Variants in GBP7 observed in about 807,000 individuals in gnomAD.
GBP7 encodes guanylate binding protein 7, also known as guanylate-binding protein 7.
Under a neutral mutation model 61.3 loss-of-function variants are expected in GBP7, and 43 were observed. The observed-to-expected ratio is 0.70, with a 90% CI of 0.55 to 0.91. GBP7 has a LOEUF of 0.91. Among genes scored for constraint, GBP7 ranks in the 40% least tolerant of loss-of-function variants. The pLI is 0.00. For synonymous variants in GBP7, 267 were observed against 271.0 expected (o/e 0.99, Z 0.14); for missense variants, 717 against 740.5 (o/e 0.97, Z 0.37).
intron 1 of GBP7, among the ~76,000 whole-genome samples, chr1:89,174,475 T>C (rs999958303): frequency 5.9e-5 from 9 of 152,228 alleles, no homozygotes; most frequent in African/African-American, 2.2e-4. Context: ...ACGTTCACAT[T>C]TAGATCTTTG....
At chr1:89,158,325 C>T (rs1682362358) in intron 3 of GBP7, among the ~76,000 whole-genome samples, 1 of 152,034 alleles carries the variant, frequency 6.6e-6, no homozygotes, top group South Asian at 2.1e-4. Flanking sequence ...TCTCTCACCA[C>T]TCCTATTCAA....
At chr1:89,166,691 A>G (rs1647452564) in intron 2 of GBP7, among the ~76,000 whole-genome samples, 1 of 152,232 alleles carries the variant, frequency 6.6e-6, no homozygotes, top group African/African-American at 2.4e-5. Flanking sequence ...TCTCGCACAC[A>G]CTTTCCTGTG....
At position 89,150,566 on chromosome 1, in the gene GBP7, G is replaced by T; in HGVS notation, c.635C>A (p.Pro212His). Residue 212 changes from proline to histidine, a missense_variant, in exon 6 of 11, where the codon CCC becomes CAC. Coordinates refer to ENST00000294671, the MANE Select transcript of GBP7 (RefSeq NM_207398.3). ...GGGCTTGTTAGAATTTTGGATTTGGGGATTCTTGCCTGCAGAATTAGTGAA... is the reference window on the plus strand; with the variant it reads ...GGGCTTGTTAGAATTTTGGATTTGGTGATTCTTGCCTGCAGAATTAGTGAA... ...NALKLISGKN[P>H]QIQNSNKPRE... 1 of 1,613,456 alleles carries T rather than the reference G, an allele frequency of 6.2e-7. No individual in the cohort carries two copies.
intron 3 of GBP7, among the ~76,000 whole-genome samples, chr1:89,156,147 G>A (rs59683491): frequency 0.017 from 2,520 of 152,188 alleles, 64 homozygotes; most frequent in African/African-American, 0.056. Context: ...ACAGACAAGC[G>A]AATGCTGAGA....
At position 89,137,411 on chromosome 1, in the gene GBP7, A is replaced by G. The variant is rs574273680; in HGVS notation, c.1469-3960T>C. On this transcript the variant is annotated intron_variant, in intron 9 of 10. Transcript: ENST00000294671. ...CATGGATGAAAAAATCTTCAACAAA[A>G]TACTAGCAAACCAAATCCAGCAGCA... is the stretch of plus-strand genomic sequence containing the variant. Among the ~76,000 whole-genome samples the G allele has an allele frequency of 1.4e-4, 22 of 152,290 alleles. No individual in the cohort carries two copies. In the South Asian group the frequency reaches 2.9e-3, roughly 20 times the overall value.
At chr1:89,151,225 T>C (rs1234854041) in intron 5 of GBP7, among the ~76,000 whole-genome samples, 5 of 152,216 alleles carry the variant, frequency 3.3e-5, no homozygotes, top group Non-Finnish European at 7.3e-5. Flanking sequence ...CACCATGCCC[T>C]GGTAACCACT....
At chr1:89,144,059 T>C (rs1682013573) in intron 8 of GBP7, among the ~76,000 whole-genome samples, 1 of 152,188 alleles carries the variant, frequency 6.6e-6, no homozygotes, top group Non-Finnish European at 1.5e-5. Flanking sequence ...CCCCAGTGTA[T>C]ATTGTTCCCG....
intron 5 of GBP7, among the ~76,000 whole-genome samples, chr1:89,151,215 C>T (rs951655584): frequency 6.6e-6 from 1 of 152,208 alleles, no homozygotes; most frequent in Non-Finnish European, 1.5e-5. Context: ...TTTCCTCCCT[C>T]ACCATGCCCT....
chr1:89,153,751 A>G (rs1682254652), intron 3 of GBP7, among the ~76,000 whole-genome samples: 1 of 152,210 alleles, frequency 6.6e-6, no homozygotes, highest in Non-Finnish European at 1.5e-5. Flanking sequence ...AACAATCCAA[A>G]AAATGGGAAG....
intron 3 of GBP7, among the ~76,000 whole-genome samples, chr1:89,155,962 G>C (rs1186770129): frequency 1.3e-5 from 2 of 152,152 alleles, no homozygotes; most frequent in South Asian, 2.1e-4. Flanking sequence ...AGAGAGAAAG[G>C]TCAGGTTACC....
rs545279215 is a variant in GBP7, at chr1:89,154,208, A to C, written c.319-1431T>G. On this transcript the variant is annotated intron_variant, in intron 3 of 10. Transcript: ENST00000294671. ...AATAAAAAAGTTTATGCCCATTACAATCTATTTCAAATCAATATTTTATCT... is the reference window on the plus strand; with the variant it reads ...AATAAAAAAGTTTATGCCCATTACACTCTATTTCAAATCAATATTTTATCT... Among the ~76,000 whole-genome samples, 20 of 152,298 alleles carry C rather than the reference A, an allele frequency of 1.3e-4. 1 individual carries two copies. In the East Asian group the frequency reaches 3.7e-3, roughly 28 times the overall value.
intron 8 of GBP7, among the ~76,000 whole-genome samples, chr1:89,142,258 GAA>G (rs1354635411): frequency 6.6e-6 from 1 of 152,104 alleles, no homozygotes; most frequent in African/African-American, 2.4e-5. Context: ...GAACAGTTGA[GAA>G]ACTTTTTTTT....
In GBP7 at chr1:89,171,970, G is replaced by T. The variant is rs777942530; in HGVS notation, c.-19-16C>A. 3 of 1,557,876 alleles carry T rather than the reference G, an allele frequency of 1.9e-6. No individual in the cohort carries two copies. In the South Asian group the frequency reaches 3.4e-5, roughly 18 times the overall value. ...GTTCCTCTGTCTGCAAGGAAAAAAT[G>T]AAATGGAAAGTAATGTCTGGTAAGT... On this transcript the variant is annotated splice_polypyrimidine_tract_variant and intron_variant, in intron 1 of 10. Coordinates refer to ENST00000294671, the MANE Select transcript of GBP7 (RefSeq NM_207398.3).
chr1:89,173,495 T>G (rs752016439), intron 1 of GBP7, among the ~76,000 whole-genome samples: 18 of 152,176 alleles, frequency 1.2e-4, no homozygotes, highest in Non-Finnish European at 1.8e-4. Context: ...TCCTAGTATA[T>G]TCATATAGTA....
At chr1:89,148,531 A>G (rs149690796) in intron 7 of GBP7, among the ~76,000 whole-genome samples, 2 of 152,368 alleles carry the variant, frequency 1.3e-5, no homozygotes, top group Non-Finnish European at 2.9e-5. Context: ...AAAGTATTTA[A>G]GAATTACCAA....
At chr1:89,172,307 C>T (rs1208558775) in intron 1 of GBP7, among the ~76,000 whole-genome samples, 2 of 152,174 alleles carry the variant, frequency 1.3e-5, no homozygotes, top group Non-Finnish European at 2.9e-5. Context: ...CACATTTCAC[C>T]ATTTTCCCAC....
At chr1:89,148,023 A>G (rs2100645004) in intron 7 of GBP7, among the ~76,000 whole-genome samples, 1 of 152,344 alleles carries the variant, frequency 6.6e-6, no homozygotes, top group Non-Finnish European at 1.5e-5. Context: ...ACTATAAACA[A>G]CAAGCAAGGG....
chr1:89,147,717 A>G lies in GBP7; in HGVS notation c.1215T>C (p.Tyr405=), dbSNP rs371692495. 3 of 1,614,076 alleles carry G rather than the reference A, an allele frequency of 1.9e-6. No individual in the cohort carries two copies. Among genetic ancestry groups the G allele is most frequent in the Non-Finnish European group, 2.5e-6 (3 of 1,180,020 alleles). The part of the protein sequence containing the change: ...VLQNEEASAK[Y]CQAELKRLSE... ...AAAGCCGCTTAAGCTCAGCCTGACA[A>G]TATTTGGCAGATGCCTCTTCATTCT... Residue 405 remains tyrosine, a synonymous_variant, in exon 8 of 11, where the codon TAT becomes TAC. Transcript: ENST00000294671.
chr1:89,149,595 G>C, intron 6 of GBP7, 23 bp from the exon 7 acceptor site: 1 of 1,585,050 alleles, frequency 6.3e-7, no homozygotes, highest in Non-Finnish European at 8.6e-7. Context: ...GGAAATTTAG[G>C]GAATAGATAG....
Sources: allele counts gnomAD v4.1 joint callset (sites outside exome capture counted in the v4.1 genomes callset), GRCh38; gene constraint gnomAD v4.1.1; transcripts MANE v1.5; gene names NCBI Gene and HGNC (gene_info 2026-07-23, HGNC 2026-07-21).